Variants in PDZRN4 observed in about 807,000 individuals in gnomAD.
PDZRN4 encodes PDZ domain containing ring finger 4.
A neutral mutation model predicts 99.0 loss-of-function variants in PDZRN4; 70 were observed. The observed-to-expected ratio is 0.71, with a 90% CI of 0.58 to 0.86. PDZRN4 has a LOEUF of 0.86. Ranked by LOEUF, PDZRN4 falls within the 40% of genes least tolerant of loss-of-function variation. PDZRN4 has a pLI of 0.00. For missense variants in PDZRN4, 1,474 were observed against 1,331.2 expected (o/e 1.11, Z -1.67); for synonymous variants, 551 against 501.6 (o/e 1.10, Z -1.32).
At chr12:41,230,212 T>A (rs1951018974) in intron 3 of PDZRN4, among the ~76,000 whole-genome samples, 1 of 151,916 alleles carries the variant, frequency 6.6e-6, no homozygotes, top group South Asian at 2.1e-4. Flanking sequence ...GCTCTTTAGG[T>A]TCTGGGTAAG....
chr12:41,247,151 T>C (rs1245545088), intron 3 of PDZRN4, among the ~76,000 whole-genome samples: 1 of 152,174 alleles, frequency 6.6e-6, no homozygotes, highest in African/African-American at 2.4e-5. Context: ...AATACCAAAA[T>C]AATCATGGTC....
chr12:41,397,872 C>T (rs1952261092), intron 3 of PDZRN4, among the ~76,000 whole-genome samples: 1 of 151,952 alleles, frequency 6.6e-6, no homozygotes, highest in Non-Finnish European at 1.5e-5. Flanking sequence ...TCCTTTGAGG[C>T]TGTGTCTTAT....
chr12:41,279,050 C>T (rs906959664), intron 3 of PDZRN4, among the ~76,000 whole-genome samples: 3 of 152,246 alleles, frequency 2.0e-5, no homozygotes, highest in African/African-American at 2.4e-5. Flanking sequence ...ATAAAAATAA[C>T]GATGTGCTAG....
intron 3 of PDZRN4, among the ~76,000 whole-genome samples, chr12:41,195,614 A>C (rs1950766188): frequency 6.6e-6 from 1 of 152,152 alleles, no homozygotes; most frequent in Non-Finnish European, 1.5e-5. Context: ...CAAAAAAAAA[A>C]CTTTGATTTA....
At chr12:41,234,051 T>C (rs1034255816) in intron 3 of PDZRN4, among the ~76,000 whole-genome samples, 6 of 151,988 alleles carry the variant, frequency 3.9e-5, no homozygotes, top group African/African-American at 2.4e-5. Context: ...GAATATTCAT[T>C]TTAGTGAATT....
chr12:41,573,473 A>T lies in PDZRN4; in HGVS notation c.2694A>T (p.Thr898=), dbSNP rs777832764. The change falls in exon 10 of 10, where the codon ACA becomes ACT. Residue 898 remains threonine (T), a synonymous_variant. Transcript: ENST00000402685. ...AGGTGAAAATTAGGAGCGACGGGAC[A>T]CGGTACATCACAAAGAGACCCGTGC... is the stretch of plus-strand genomic sequence containing the variant. ...EWKVKIRSDG[T]RYITKRPVRD... 3.1e-6 allele frequency: 5 copies of T among 1,614,032 alleles called. No individual in the cohort carries two copies. The South Asian group carries it at 5.5e-5, about 18-fold the overall frequency.
intron 3 of PDZRN4, among the ~76,000 whole-genome samples, chr12:41,411,196 C>T (rs1429465651): frequency 6.6e-6 from 1 of 151,942 alleles, no homozygotes; most frequent in Admixed American, 6.6e-5. Flanking sequence ...CCACCGTGCC[C>T]AGCCTAGCAT....
intron 5 of PDZRN4, among the ~76,000 whole-genome samples, chr12:41,552,407 C>T (rs1939073659): frequency 1.3e-5 from 2 of 151,852 alleles, no homozygotes; most frequent in Non-Finnish European, 2.9e-5. Context: ...TTTGCATTGA[C>T]AGCTTGATGC....
chr12:41,340,684 A>G (rs921502433), intron 3 of PDZRN4, among the ~76,000 whole-genome samples: 3 of 152,022 alleles, frequency 2.0e-5, no homozygotes, highest in Admixed American at 6.6e-5. Flanking sequence ...CTGTATCAAA[A>G]TATCTCATGT....
At chr12:41,515,048 T>C (rs1938377117) in intron 5 of PDZRN4, among the ~76,000 whole-genome samples, 2 of 152,080 alleles carry the variant, frequency 1.3e-5, no homozygotes, top group African/African-American at 2.4e-5. Context: ...AATCAGCATA[T>C]GTGAGAAGCA....
At chr12:41,286,838 T>C (rs1324051368) in intron 3 of PDZRN4, among the ~76,000 whole-genome samples, 5 of 152,216 alleles carry the variant, frequency 3.3e-5, no homozygotes, top group Admixed American at 6.5e-5. Flanking sequence ...TGCGAAGTTA[T>C]GACTGTTTAC....
intron 6 of PDZRN4, among the ~76,000 whole-genome samples, chr12:41,555,130 C>T (rs1201615969): frequency 6.8e-6 from 1 of 145,990 alleles, no homozygotes; most frequent in Admixed American, 7.0e-5. Context: ...ACTCGGGAGT[C>T]TGAGGCAGGA....
At chr12:41,213,529 G>T (rs1950901043) in intron 3 of PDZRN4, among the ~76,000 whole-genome samples, 1 of 152,024 alleles carries the variant, frequency 6.6e-6, no homozygotes, top group Non-Finnish European at 1.5e-5. Flanking sequence ...TAGTTTCTGT[G>T]TCTGGTTGGG....
intron 3 of PDZRN4, among the ~76,000 whole-genome samples, chr12:41,459,543 C>A (rs1952850207): frequency 6.6e-6 from 1 of 152,200 alleles, no homozygotes; most frequent in Non-Finnish European, 1.5e-5. Context: ...CAGACTTAGC[C>A]ATAGCAGCAT....
chr12:41,432,818 G>A (rs899637703), intron 3 of PDZRN4, among the ~76,000 whole-genome samples: 20 of 152,188 alleles, frequency 1.3e-4, no homozygotes, highest in African/African-American at 4.6e-4. Flanking sequence ...CAAAGAATAA[G>A]CAGAATGAGG....
chr12:41,270,512 T>TA (rs1269805995), intron 3 of PDZRN4, among the ~76,000 whole-genome samples: 6 of 152,078 alleles, frequency 3.9e-5, no homozygotes, highest in South Asian at 2.1e-4. Context: ...CTTATTTCTT[T>TA]AAAAAAATCA....
chr12:41,436,743 G>A (rs1312672389), intron 3 of PDZRN4, among the ~76,000 whole-genome samples: 1 of 152,162 alleles, frequency 6.6e-6, no homozygotes, highest in African/African-American at 2.4e-5. Context: ...TTGCAAGAGT[G>A]TGAAATGAAA....
At chr12:41,445,151 T>C (rs1592061642) in intron 3 of PDZRN4, among the ~76,000 whole-genome samples, 4 of 152,210 alleles carry the variant, frequency 2.6e-5, no homozygotes, top group Admixed American at 2.6e-4. Flanking sequence ...ACATTTTCAC[T>C]GTTTCCAAAT....
intron 3 of PDZRN4, among the ~76,000 whole-genome samples, chr12:41,252,517 G>T (rs1591985722): frequency 6.6e-6 from 1 of 152,180 alleles, no homozygotes; most frequent in Non-Finnish European, 1.5e-5. Context: ...GGAGGCCGAA[G>T]CAGGGGGATC....
Sources: gnomAD v4.1 joint callset for allele counts (sites outside exome capture counted in the v4.1 genomes callset) on GRCh38, gnomAD v4.1.1 for gene constraint, MANE v1.5 for transcripts, NCBI Gene and HGNC (gene_info 2026-07-23, HGNC 2026-07-21) for gene names.